Variants in LPP observed in about 807,000 individuals in gnomAD.
LPP encodes the protein lipoma-preferred partner.
Under a neutral mutation model 60.4 loss-of-function variants are expected in LPP, and 38 were observed. That is an observed-to-expected ratio of 0.63 (90% CI 0.49 to 0.83). The LOEUF (loss-of-function observed/expected upper bound fraction) is 0.83, where lower values mean the gene tolerates loss of function less well. Among genes scored for constraint, LPP ranks in the 40% least tolerant of loss-of-function variants. The pLI, the probability that LPP is intolerant of heterozygous loss-of-function variation, is 0.00. For synonymous variants in LPP, 328 were observed against 290.8 expected (o/e 1.13, Z -1.30); for missense variants, 902 against 783.6 (o/e 1.15, Z -1.80).
At chr3:188,166,845 A>G (rs904654157) in intron 1 of LPP, among the ~76,000 whole-genome samples, 1 of 152,196 alleles carries the variant, frequency 6.6e-6, no homozygotes, top group African/African-American at 2.4e-5. Flanking sequence ...TGAATAATAT[A>G]TATGAAGTAA....
At chr3:188,346,249 A>ATTTTTTTT (rs1764321005) in intron 3 of LPP, among the ~76,000 whole-genome samples, 1 of 124,226 alleles carries the variant, frequency 8.0e-6, no homozygotes, top group African/African-American at 3.6e-5. Context: ...AAAGTAGCAA[A>ATTTTTTTT]TCTTTTTTTT....
At chr3:188,625,128 T>C (rs1322778278) in intron 7 of LPP, among the ~76,000 whole-genome samples, 1 of 152,288 alleles carries the variant, frequency 6.6e-6, no homozygotes. Flanking sequence ...AATTAAGACA[T>C]AACTTTGTCA....
chr3:188,802,520 C>T (rs1457397441), intron 9 of LPP, among the ~76,000 whole-genome samples: 4 of 152,122 alleles, frequency 2.6e-5, no homozygotes, highest in Admixed American at 2.0e-4. Context: ...CGGTGGCTCA[C>T]GCCTGTAATC....
intron 6 of LPP, among the ~76,000 whole-genome samples, chr3:188,607,916 G>A (rs1842842054): frequency 6.6e-6 from 1 of 152,034 alleles, no homozygotes; most frequent in Admixed American, 6.5e-5. Context: ...AGACTTAAAT[G>A]TCTGTAGCAA....
intron 2 of LPP, among the ~76,000 whole-genome samples, chr3:188,308,321 A>G (rs1390838903): frequency 1.3e-5 from 2 of 152,184 alleles, no homozygotes; most frequent in East Asian, 1.9e-4. Flanking sequence ...GGAATAAATG[A>G]AAAACTGTCT....
At chr3:188,574,079 G>C (rs1031919904) in intron 6 of LPP, among the ~76,000 whole-genome samples, 29 of 152,064 alleles carry the variant, frequency 1.9e-4, no homozygotes, top group African/African-American at 6.5e-4. Context: ...AACCAGAGAG[G>C]CTTCTTTCCA....
intron 9 of LPP, among the ~76,000 whole-genome samples, chr3:188,802,253 T>C (rs1747496861): frequency 6.6e-6 from 1 of 152,194 alleles, no homozygotes; most frequent in African/African-American, 2.4e-5. Flanking sequence ...GGTTTAACTC[T>C]TCATTATAAC....
chr3:188,475,779 T>G (rs1301340374), intron 4 of LPP, among the ~76,000 whole-genome samples: 2 of 152,232 alleles, frequency 1.3e-5, no homozygotes, highest in Non-Finnish European at 2.9e-5. Flanking sequence ...GGCGGGCGCC[T>G]GTAGTCCCAG....
chr3:188,553,915 C>T (rs1828820859), intron 6 of LPP: 1 of 152,156 alleles, frequency 6.6e-6, no homozygotes, highest in Non-Finnish European at 1.5e-5. Context: ...TTGAGGTGCC[C>T]ACACTATATC....
At chr3:188,203,534 T>TA (rs1732057543) in intron 1 of LPP, among the ~76,000 whole-genome samples, 2 of 92,374 alleles carry the variant, frequency 2.2e-5, no homozygotes, top group East Asian at 2.8e-4. Context: ...TAAATATATA[T>TA]TTAAATATAT....
chr3:188,809,772 T>C (rs1750329700), intron 9 of LPP, among the ~76,000 whole-genome samples: 2 of 152,220 alleles, frequency 1.3e-5, no homozygotes, highest in Admixed American at 1.3e-4. Context: ...ATGTCCTGAA[T>C]GGTATTGTGT....
intron 7 of LPP, among the ~76,000 whole-genome samples, chr3:188,623,934 A>G (rs1181829295): frequency 6.6e-6 from 1 of 152,136 alleles, no homozygotes; most frequent in Non-Finnish European, 1.5e-5. Context: ...CCAAGTACCT[A>G]TGAATCAACC....
intron 9 of LPP, among the ~76,000 whole-genome samples, chr3:188,803,357 T>C (rs1163922110): frequency 1.3e-5 from 2 of 152,188 alleles, no homozygotes; most frequent in Non-Finnish European, 2.9e-5. Context: ...TTATGCAGTT[T>C]TCTTTTGTTC....
chr3:188,445,504 G>T (rs531070042), intron 4 of LPP, among the ~76,000 whole-genome samples: 66 of 152,114 alleles, frequency 4.3e-4, no homozygotes, highest in Non-Finnish European at 7.8e-4. Context: ...TGGGAGACTA[G>T]GGAGGGATAG....
chr3:188,246,083 T>C (rs1322737838), intron 2 of LPP, among the ~76,000 whole-genome samples: 1 of 152,232 alleles, frequency 6.6e-6, no homozygotes, highest in Non-Finnish European at 1.5e-5. Context: ...CCCTTGGATG[T>C]CCTATCTGCT....
At chr3:188,475,765 T>C (rs923234006) in intron 4 of LPP, among the ~76,000 whole-genome samples, 3 of 151,946 alleles carry the variant, frequency 2.0e-5, no homozygotes, top group Non-Finnish European at 2.9e-5. Flanking sequence ...TAGCCGGGCG[T>C]GGTGGCGGGC....
At chr3:188,744,856 G>A (rs1262928449) in intron 8 of LPP, among the ~76,000 whole-genome samples, 1 of 151,948 alleles carries the variant, frequency 6.6e-6, no homozygotes, top group Non-Finnish European at 1.5e-5. Context: ...ATCCTTTTTA[G>A]TCTGTCTTGG....
intron 6 of LPP, among the ~76,000 whole-genome samples, chr3:188,591,562 T>C (rs757944425): frequency 6.6e-6 from 1 of 152,230 alleles, no homozygotes; most frequent in Non-Finnish European, 1.5e-5. Flanking sequence ...GGAGCCTTTT[T>C]CCTTCAAACT....
chr3:188,663,937 T>C (rs534022498), intron 7 of LPP, among the ~76,000 whole-genome samples: 4 of 152,330 alleles, frequency 2.6e-5, no homozygotes, highest in African/African-American at 7.2e-5. Context: ...GCTCCGGCTG[T>C]AATGCTGGCT....
Sources: allele counts gnomAD v4.1 joint callset (sites outside exome capture counted in the v4.1 genomes callset), GRCh38; gene constraint gnomAD v4.1.1; transcripts MANE v1.5; gene names NCBI Gene and HGNC (gene_info 2026-07-23, HGNC 2026-07-21).